The following ERC2 variants were observed in gnomAD, a reference collection of about 807,000 sequenced individuals.
ERC2 encodes ELKS/RAB6-interacting/CAST family member 2.
A neutral mutation model predicts 114.8 loss-of-function variants in ERC2; 42 were observed. The observed-to-expected ratio is 0.37, with a 90% CI of 0.29 to 0.47. The LOEUF (loss-of-function observed/expected upper bound fraction) is 0.47, where lower values mean the gene tolerates loss of function less well. Among genes scored for constraint, ERC2 ranks in the 20% least tolerant of loss-of-function variants. The probability of loss-of-function intolerance (pLI) is 0.99; values close to 1 mark genes in which losing one functional copy is unlikely to be tolerated. For synonymous variants in ERC2, 454 were observed against 425.5 expected (o/e 1.07, Z -0.82); for missense variants, 939 against 1,150.7 (o/e 0.82, Z 2.66).
chr3:56,289,102 C>T (rs1455496490), intron 3 of ERC2, among the ~76,000 whole-genome samples: 1 of 152,212 alleles, frequency 6.6e-6, no homozygotes, highest in Non-Finnish European at 1.5e-5. Flanking sequence ...CACGGCTCCA[C>T]CAAGATTTCA....
At chr3:56,138,262 G>A (rs577092587) in intron 6 of ERC2, among the ~76,000 whole-genome samples, 6 of 152,006 alleles carry the variant, frequency 3.9e-5, no homozygotes, top group African/African-American at 1.2e-4. Flanking sequence ...GGGTTTCACC[G>A]TGTTTGCCAG....
chr3:55,897,160 C>T (rs2149336892), intron 13 of ERC2, among the ~76,000 whole-genome samples: 1 of 152,272 alleles, frequency 6.6e-6, no homozygotes, highest in South Asian at 2.1e-4. Flanking sequence ...CTTACACATA[C>T]ATTTGTGTTG....
chr3:56,265,957 C>A (rs13078749), intron 3 of ERC2, among the ~76,000 whole-genome samples: 103,207 of 149,710 alleles, frequency 0.69, 36,577 homozygotes, highest in Non-Finnish European at 0.76. Flanking sequence ...TGAACCTGGG[C>A]GGTGGAGGTT....
intron 2 of ERC2, among the ~76,000 whole-genome samples, chr3:56,358,083 T>G (rs1300002112): frequency 6.6e-6 from 1 of 152,000 alleles, no homozygotes; most frequent in Non-Finnish European, 1.5e-5. Flanking sequence ...TCCCTGTGGG[T>G]TGATATGTTT....
rs147990935 is a variant in ERC2 at position 55,780,906 on chromosome 3, G to A, written c.2565-45988C>T. Among the ~76,000 whole-genome samples, 538 of 152,250 alleles carry A rather than the reference G, an allele frequency of 3.5e-3. 4 individuals are homozygous for A. The highest frequency in any genetic ancestry group is 9.3e-3 in the African/African-American group (385 of 41,540). On this transcript the variant is annotated intron_variant, in intron 14 of 17. Coordinates refer to ENST00000288221, the MANE Select transcript of ERC2 (RefSeq NM_015576.3). ...GTGATAGCAAATGATACGCCAAGAC[G>A]AGCTCACTCAGCTTCATAGGGTCAA...
chr3:56,127,497 G>A (rs948123055), intron 6 of ERC2, among the ~76,000 whole-genome samples: 1 of 152,178 alleles, frequency 6.6e-6, no homozygotes, highest in Non-Finnish European at 1.5e-5. Context: ...GGAGGCTGAG[G>A]CAGGCAGATC....
At chr3:55,947,988 T>C (rs2067242594) in intron 13 of ERC2, among the ~76,000 whole-genome samples, 1 of 152,196 alleles carries the variant, frequency 6.6e-6, no homozygotes, top group South Asian at 2.1e-4. Context: ...TAAAGAAGAC[T>C]GGATTTGTAA....
intron 1 of ERC2, among the ~76,000 whole-genome samples, chr3:56,458,006 A>G (rs1017926760): frequency 2.0e-5 from 3 of 152,114 alleles, no homozygotes; most frequent in Non-Finnish European, 4.4e-5. Context: ...CTCCCCTACA[A>G]AATTACCTGC....
chr3:55,788,804 G>T (rs1406357079), intron 14 of ERC2, among the ~76,000 whole-genome samples: 1 of 152,098 alleles, frequency 6.6e-6, no homozygotes, highest in Non-Finnish European at 1.5e-5. Flanking sequence ...TTTATTGAGG[G>T]ATAACATGCA....
intron 14 of ERC2, 88 bp from the exon 15 acceptor site, chr3:55,735,006 G>T: frequency 7.5e-7 from 1 of 1,329,772 alleles, no homozygotes; most frequent in Non-Finnish European, 1.0e-6. Context: ...GAACCACAGA[G>T]TATTGTCTCA....
intron 3 of ERC2, among the ~76,000 whole-genome samples, chr3:56,221,955 G>A (rs890917911): frequency 6.6e-6 from 1 of 152,000 alleles, no homozygotes; most frequent in East Asian, 1.9e-4. Context: ...CTACACAATA[G>A]TACAATGAGA....
rs545966124 is a variant in ERC2, at chr3:56,000,504, G to A, written c.2061+6677C>T. 5.3e-5 allele frequency among the ~76,000 whole-genome samples: 8 copies of A among 152,002 alleles called. No individual in the cohort carries two copies. The South Asian group carries it at 8.3e-4, about 16-fold the overall frequency. Reference sequence around the variant, plus strand: ...TGCTTAACTGATTTAAACTACTTACGTAAGAAAAAATACAAAAAGCTAATA... The same window carrying A: ...TGCTTAACTGATTTAAACTACTTACATAAGAAAAAATACAAAAAGCTAATA... On this transcript the variant is annotated intron_variant, in intron 10 of 17. Coordinates refer to ENST00000288221, the MANE Select transcript of ERC2 (RefSeq NM_015576.3).
intron 16 of ERC2, among the ~76,000 whole-genome samples, chr3:55,697,596 T>C (rs1268992497): frequency 2.6e-5 from 4 of 152,174 alleles, no homozygotes; most frequent in African/African-American, 9.7e-5. Context: ...ACAAAGCAGA[T>C]AGATGTGCTC....
chr3:56,452,434 AGT>A (rs2062863357), intron 1 of ERC2, among the ~76,000 whole-genome samples: 3 of 152,254 alleles, frequency 2.0e-5, no homozygotes, highest in Admixed American at 6.5e-5. Context: ...GCAGCAATTT[AGT>A]TAATGCAGTT....
chr3:56,369,502 TC>T (rs2059280267), intron 2 of ERC2, among the ~76,000 whole-genome samples: 2 of 152,210 alleles, frequency 1.3e-5, no homozygotes, highest in Admixed American at 1.3e-4. Context: ...CAGACTCTAG[TC>T]CCACATTTGA....
In ERC2 at chr3:56,343,194, A is replaced by T. The variant is rs866155596; in HGVS notation, c.658-46759T>A. On this transcript the variant is annotated intron_variant, in intron 2 of 17. Transcript: ENST00000288221. The stretch of plus-strand genomic sequence containing the variant: ...CTCTCTCTCTCTCTCTCTCTCTCTC[A>T]CACACACACACACACAAACACACAC... Among the ~76,000 whole-genome samples the T allele has an allele frequency of 6.9e-4, 97 of 141,004 alleles. No homozygotes were observed. In the East Asian group the frequency reaches 0.011, roughly 16 times the overall value. 92.5% of individuals were successfully genotyped at this position (141,004 alleles called of 152,430 possible). A position where few individuals can be genotyped will look rare whatever the true frequency, so the allele number is the denominator to read the frequency against.
At position 56,177,130 on chromosome 3, in the gene ERC2, G is replaced by T. The variant is rs1239726203; in HGVS notation, c.1075-3610C>A. On this transcript the variant is annotated intron_variant, in intron 3 of 17. Coordinates refer to ENST00000288221, the MANE Select transcript of ERC2 (RefSeq NM_015576.3). ...AACTTCTATTAAGTTAAGCCTATGA[G>T]CTTTCAGGCTTTATCTACAGAGATC... Among the ~76,000 whole-genome samples, 2 of 152,196 alleles carry T rather than the reference G, an allele frequency of 1.3e-5. 1 individual carries two copies.
At chr3:55,964,512 C>T (rs1031820761) in intron 12 of ERC2, among the ~76,000 whole-genome samples, 1 of 151,592 alleles carries the variant, frequency 6.6e-6, no homozygotes, top group African/African-American at 2.4e-5. Flanking sequence ...GCAAGTTATA[C>T]ACTCTTTAGG....
chr3:56,110,909 A>G (rs2078923213), intron 6 of ERC2, among the ~76,000 whole-genome samples: 1 of 152,180 alleles, frequency 6.6e-6, no homozygotes, highest in African/African-American at 2.4e-5. Flanking sequence ...CAGAATACAC[A>G]TCTGCTCTTA....
Sources: gnomAD v4.1 joint callset for allele counts (sites outside exome capture counted in the v4.1 genomes callset) on GRCh38, gnomAD v4.1.1 for gene constraint, MANE v1.5 for transcripts, NCBI Gene and HGNC (gene_info 2026-07-23, HGNC 2026-07-21) for gene names.